DOCK10: variants seen among roughly 807,000 people sequenced by gnomAD.
DOCK10 encodes dedicator of cytokinesis 10.
A neutral mutation model predicts 280.1 loss-of-function variants in DOCK10; 145 were observed. The ratio of observed to expected loss-of-function variants is 0.52; its 90% CI spans 0.45 to 0.59. The LOEUF is 0.59. DOCK10 is among the 20% of genes least tolerant of loss of function. The pLI is 0.00. For missense variants in DOCK10, 2,368 were observed against 2,651.7 expected, an observed-to-expected ratio of 0.89 and a Z score of 2.35; for synonymous variants, 915 against 942.2, an observed-to-expected ratio of 0.97 and a Z score of 0.53.
At chr2:224,804,961 A>T (rs1231928617) in intron 37 of DOCK10, 97 bp downstream of exon 37, 2 of 1,258,374 alleles carry the variant, frequency 1.6e-6, no homozygotes, top group Admixed American at 5.6e-5. Flanking sequence ...TATATTATTG[A>T]TAACTTACTA....
chr2:225,001,293 T>TTTTTTG (rs1317669656), intron 1 of DOCK10, among the ~76,000 whole-genome samples: 1 of 149,346 alleles, frequency 6.7e-6, no homozygotes, highest in African/African-American at 2.5e-5. Context: ...ACAGACCTTT[T>TTTTTTG]TTTTTTTTTT....
intron 28 of DOCK10, among the ~76,000 whole-genome samples, chr2:224,821,102 T>G (rs549149932): frequency 6.6e-6 from 1 of 152,308 alleles, no homozygotes; most frequent in Admixed American, 6.5e-5. Context: ...AGTTGAGAAA[T>G]GTACAAGCTT....
At position 224,989,864 on chromosome 2, in the gene DOCK10, C is replaced by T. The variant is rs371742138; in HGVS notation, c.123+52388G>A. 1.5e-4 allele frequency among the ~76,000 whole-genome samples: 23 copies of T among 152,270 alleles called. No individual in the cohort carries two copies. In the East Asian group the frequency reaches 4.1e-3, roughly 27 times the overall value. ...GGACTTAAGTTTATTGTGATAGTAA[C>T]CCCTGATCTCTTTTTATCCCCCGAC... On this transcript the variant is annotated intron_variant, in intron 1 of 55. Coordinates refer to ENST00000258390, the MANE Select transcript of DOCK10 (RefSeq NM_014689.3).
chr2:224,852,388 TG>T lies in DOCK10; in HGVS notation c.2130del (p.Lys711SerfsTer3). ...CTGACTTGGCTCACCTTCAGGGGCT[TG>T]GCACTTTCTTCATCTGAATTTTTGA... ...IEFKNSDEES[A>X]KPLKCIYGKP... On this transcript the variant is annotated frameshift_variant, in exon 18 of 56. Coordinates refer to ENST00000258390, the MANE Select transcript of DOCK10 (RefSeq NM_014689.3). LOFTEE classifies it high-confidence loss of function. The T allele has an allele frequency of 1.3e-6, 2 of 1,572,576 alleles. No homozygotes were observed. Among genetic ancestry groups the T allele is most frequent in the Non-Finnish European group, 1.7e-6 (2 of 1,157,720 alleles).
intron 4 of DOCK10, among the ~76,000 whole-genome samples, chr2:224,890,186 T>C (rs1699574041): frequency 6.6e-6 from 1 of 152,248 alleles, no homozygotes; most frequent in Non-Finnish European, 1.5e-5. Context: ...TTCTGTCCTC[T>C]TTGGCCAGCA....
intron 1 of DOCK10, among the ~76,000 whole-genome samples, chr2:225,001,635 G>T (rs1202944114): frequency 6.6e-6 from 1 of 152,190 alleles, no homozygotes; most frequent in Non-Finnish European, 1.5e-5. Flanking sequence ...CAATACTGTG[G>T]AAGGGCAGTG....
At chr2:225,024,251 A>C (rs1689858253) in intron 1 of DOCK10, among the ~76,000 whole-genome samples, 2 of 152,268 alleles carry the variant, frequency 1.3e-5, no homozygotes, top group Non-Finnish European at 2.9e-5. Flanking sequence ...GTTAATTGTC[A>C]AAATCTTAGT....
chr2:224,874,374 T>G, intron 9 of DOCK10, 25 bp from the exon 10 acceptor site: 1 of 1,569,086 alleles, frequency 6.4e-7, no homozygotes, highest in Non-Finnish European at 8.7e-7. Context: ...GTGTTAGTCC[T>G]TGGTATCTAA....
chr2:224,884,437 G>A (rs538658213), intron 7 of DOCK10, among the ~76,000 whole-genome samples: 1 of 152,318 alleles, frequency 6.6e-6, no homozygotes, highest in East Asian at 1.9e-4. Flanking sequence ...CAGTGAGCCA[G>A]TGCCATTGTG....
chr2:224,876,893 C>G (rs1345864221), intron 7 of DOCK10, among the ~76,000 whole-genome samples: 1 of 152,214 alleles, frequency 6.6e-6, no homozygotes, highest in East Asian at 1.9e-4. Flanking sequence ...CCAATGGCTT[C>G]AAACGACATC....
Position 224,778,146 on chromosome 2 carries a change from A to C in DOCK10, c.5794T>G (p.Ser1932Ala). The C allele has an allele frequency of 6.2e-7, 1 of 1,613,208 alleles. No individual in the cohort carries two copies. Among genetic ancestry groups the C allele is most frequent in the Non-Finnish European group, 8.5e-7 (1 of 1,179,538 alleles). ...TACTGATTTTCCTCTACCTTGTTGG[A>C]ATCCTGGATTATCTTCACATTGTCT... ...GADNVKIIQD[S>A]NKVNPKDLDP... The change falls in exon 51 of 56, where the codon TCC becomes GCC. Residue 1932 changes from serine (S) to alanine (A), a missense_variant. Physicochemically the swap from Ser to Ala is moderately conservative, Grantham distance 99 (BLOSUM62 1). This residue lies in a region of DOCK10 where 1,159 missense variants were observed against 1,400.8 expected (regional missense o/e 0.83). Coordinates refer to ENST00000258390, the MANE Select transcript of DOCK10 (RefSeq NM_014689.3).
intron 1 of DOCK10, among the ~76,000 whole-genome samples, chr2:224,966,287 C>T (rs1404215497): frequency 2.7e-5 from 3 of 109,758 alleles, no homozygotes; most frequent in Non-Finnish European, 5.3e-5. Flanking sequence ...TTGGATGGTG[C>T]CCCACCCCCC....
At chr2:224,903,791 A>G (rs1476406765) in intron 3 of DOCK10, among the ~76,000 whole-genome samples, 5 of 152,272 alleles carry the variant, frequency 3.3e-5, no homozygotes, top group African/African-American at 1.2e-4. Flanking sequence ...CAAACATTTT[A>G]GGGGGATTTT....
chr2:224,769,086 T>A, intron 55 of DOCK10: 6 of 377,184 alleles, frequency 1.6e-5, no homozygotes, highest in South Asian at 1.2e-4. Context: ...ACTCCCAGAT[T>A]TATGATTTTC....
chr2:224,862,740 G>C lies in DOCK10; in HGVS notation c.1609C>G (p.Gln537Glu). ...TGTCTGTTGGATTTTAGTATCTTTT[G>C]TGCATACTAAAGAAAAAATAAATAC... is the stretch of plus-strand genomic sequence containing the variant. ...IKNPDSNKYAQKILKSNRQFC... is the reference protein window; with the variant it reads ...IKNPDSNKYAEKILKSNRQFC... Residue 537 changes from glutamine (Q) to glutamate (E), a missense_variant, in exon 14 of 56, where the codon CAA becomes GAA. Around this residue, in one of 2 missense-constraint regions of DOCK10, gnomAD observed 1,209 missense variants for 1,250.9 expected, o/e 0.97. Transcript: ENST00000258390. 6.3e-7 allele frequency: 1 copy of C among 1,593,634 alleles called. No homozygotes were observed. The highest frequency in any genetic ancestry group is 8.6e-7 in the Non-Finnish European group (1 of 1,166,974).
intron 50 of DOCK10, chr2:224,778,494 C>T: frequency 1.7e-6 from 1 of 604,502 alleles, no homozygotes; most frequent in South Asian, 1.7e-5. Context: ...GTAAATATTT[C>T]CTAGCCAGGC....
intron 11 of DOCK10, among the ~76,000 whole-genome samples, chr2:224,869,106 T>C (rs1218301902): frequency 6.6e-6 from 1 of 152,178 alleles, no homozygotes; most frequent in Non-Finnish European, 1.5e-5. Flanking sequence ...AATTAATTCA[T>C]AGGTTTCTTG....
At chr2:224,927,425 C>T (rs549075668) in intron 2 of DOCK10, among the ~76,000 whole-genome samples, 20 of 152,094 alleles carry the variant, frequency 1.3e-4, no homozygotes, top group African/African-American at 3.1e-4. Flanking sequence ...CGAATCAAAG[C>T]GGAGCAAAGA....
At chr2:224,772,706 A>G (rs1690531498) in intron 53 of DOCK10, among the ~76,000 whole-genome samples, 1 of 152,242 alleles carries the variant, frequency 6.6e-6, no homozygotes, top group Admixed American at 6.5e-5. Flanking sequence ...CTCACTGAGC[A>G]TGCCATCTGC....
Sources: gnomAD v4.1 joint callset for allele counts (sites outside exome capture counted in the v4.1 genomes callset) on GRCh38, gnomAD v4.1.1 for gene constraint, gnomAD v4.1.1 regional missense constraint, MANE v1.5 for transcripts, NCBI Gene and HGNC (gene_info 2026-07-23, HGNC 2026-07-21) for gene names.